The following H2AC16 variants were observed in gnomAD, a reference collection of about 807,000 sequenced individuals.
H2AC16 encodes H2A clustered histone 16.
A neutral mutation model predicts 6.6 loss-of-function variants in H2AC16; 11 were observed. The observed-to-expected ratio is 1.67, with a 90% confidence interval of 1.05 to 2.77. The LOEUF is 2.77. H2AC16 is among the 30% of genes most tolerant of loss of function. The probability of loss-of-function intolerance (pLI) is 0.00; values close to 1 mark genes in which losing one functional copy is unlikely to be tolerated. For synonymous variants in H2AC16, 131 were observed against 80.8 expected, an observed-to-expected ratio of 1.62 and a Z score of -3.33; for missense variants, 212 against 177.1, an observed-to-expected ratio of 1.20 and a Z score of -1.12.
rs2113911011 is a variant in H2AC16, at chr6:27,865,436, G to A, written c.82G>A (p.Val28Met). Residue 28 changes from valine (V) to methionine (M), a missense_variant, in exon 1 of 1, where the codon GTG becomes ATG. Physicochemically the swap from Val to Met is conservative, Grantham distance 21 (BLOSUM62 1). Coordinates refer to ENST00000613174, the MANE Select transcript of H2AC16 (RefSeq NM_003511.3). ...TTCTCGTGCCGGTCTCCAGTTCCCCGTGGGCCGAGTGCACCGACTGCTCCG... is the reference window on the plus strand; with the variant it reads ...TTCTCGTGCCGGTCTCCAGTTCCCCATGGGCCGAGTGCACCGACTGCTCCG... ...RSSRAGLQFP[V>M]GRVHRLLRKG... The A allele has an allele frequency of 1.2e-6, 2 of 1,613,982 alleles. No individual in the cohort carries two copies. The highest frequency in any genetic ancestry group is 8.5e-7 in the Non-Finnish European group (1 of 1,179,950).
rs754861911 is a variant in H2AC16 at position 27,865,585 on chromosome 6, C to T, written c.231C>T (p.Thr77=). The T allele has an allele frequency of 5.6e-6, 9 of 1,614,096 alleles. No individual in the cohort carries two copies. Among genetic ancestry groups the T allele is most frequent in the Admixed American group, 3.3e-5 (2 of 60,012 alleles). The change falls in exon 1 of 1, where the codon ACC becomes ACT. Residue 77 remains threonine (T), a synonymous_variant. Coordinates refer to ENST00000613174, the MANE Select transcript of H2AC16 (RefSeq NM_003511.3). Reference sequence around the variant, plus strand: ...ACGCCGCCCGCGACAACAAGAAGACCCGCATTATCCCGCGCCACTTGCAGC... The same window carrying T: ...ACGCCGCCCGCGACAACAAGAAGACTCGCATTATCCCGCGCCACTTGCAGC... ...AGNAARDNKK[T]RIIPRHLQLA...
chr6:27,865,436 G>C lies in H2AC16; in HGVS notation c.82G>C (p.Val28Leu). Residue 28 changes from valine to leucine, a missense_variant, in exon 1 of 1, where the codon GTG becomes CTG. Coordinates refer to ENST00000613174, the MANE Select transcript of H2AC16 (RefSeq NM_003511.3). ...TTCTCGTGCCGGTCTCCAGTTCCCC[G>C]TGGGCCGAGTGCACCGACTGCTCCG... ...RSSRAGLQFPVGRVHRLLRKG... is the reference protein window; with the variant it reads ...RSSRAGLQFPLGRVHRLLRKG... The C allele has an allele frequency of 6.2e-7, 1 of 1,613,982 alleles. No homozygotes were observed.
Position 27,865,647 on chromosome 6 carries a change from T to C in H2AC16, c.293T>C (p.Leu98Pro). ...IRNDEELNKLLGKVTIAQGGV... is the reference protein window; with the variant it reads ...IRNDEELNKLPGKVTIAQGGV... ...AACGACGAGGAGCTCAACAAGCTGC[T>C]GGGCAAAGTAACCATCGCTCAGGGT... Residue 98 changes from leucine (L) to proline (P), a missense_variant, in exon 1 of 1, where the codon CTG becomes CCG. Coordinates refer to ENST00000613174, the MANE Select transcript of H2AC16 (RefSeq NM_003511.3). 6.2e-7 allele frequency: 1 copy of C among 1,614,250 alleles called. No homozygotes were observed. The highest frequency in any genetic ancestry group is 8.5e-7 in the Non-Finnish European group (1 of 1,180,044).
rs769613461 is a variant in H2AC16 at position 27,865,422 on chromosome 6, G to T, written c.68G>T (p.Gly23Val). 1 of 1,613,746 alleles carries T rather than the reference G, an allele frequency of 6.2e-7. No homozygotes were observed. The highest frequency in any genetic ancestry group is 1.1e-5 in the South Asian group (1 of 91,060). Residue 23 changes from glycine to valine, a missense_variant, in exon 1 of 1, where the codon GGT (glycine) becomes GTT (valine). By Grantham distance (109) the Gly-to-Val change is moderately radical. Coordinates refer to ENST00000613174, the MANE Select transcript of H2AC16 (RefSeq NM_003511.3). The stretch of plus-strand genomic sequence containing the variant: ...GCCAAGACCCGCTCTTCTCGTGCCG[G>T]TCTCCAGTTCCCCGTGGGCCGAGTG... ...AKAKTRSSRA[G>V]LQFPVGRVHR...
In H2AC16 at chr6:27,865,703, C is replaced by T; in HGVS notation, c.349C>T (p.Leu117=). The T allele has an allele frequency of 6.2e-7, 1 of 1,614,238 alleles. No individual in the cohort carries two copies. Among genetic ancestry groups the T allele is most frequent in the Non-Finnish European group, 8.5e-7 (1 of 1,180,048 alleles). The change falls in exon 1 of 1, where the codon CTG becomes TTG. Residue 117 remains leucine (L), a synonymous_variant. Transcript: ENST00000613174. Reference sequence around the variant, plus strand: ...CCTGCCCAACATCCAGGCTGTGCTACTGCCCAAGAAGACCGAGAGTCACCA... The same window carrying T: ...CCTGCCCAACATCCAGGCTGTGCTATTGCCCAAGAAGACCGAGAGTCACCA... ...GVLPNIQAVL[L]PKKTESHHKA... is the part of the protein sequence containing the mutation.
chr6:27,865,616 A>G lies in H2AC16; in HGVS notation c.262A>G (p.Ile88Val). 4 of 1,614,220 alleles carry G rather than the reference A, an allele frequency of 2.5e-6. No individual in the cohort carries two copies. The change falls in exon 1 of 1, where the codon ATC (isoleucine) becomes GTC (valine). Residue 88 changes from isoleucine to valine, a missense_variant. Ile to Val is a conservative substitution (Grantham distance 29). Coordinates refer to ENST00000613174, the MANE Select transcript of H2AC16 (RefSeq NM_003511.3). ...TATCCCGCGCCACTTGCAGCTGGCCATCCGCAACGACGAGGAGCTCAACAA... is the reference window on the plus strand; with the variant it reads ...TATCCCGCGCCACTTGCAGCTGGCCGTCCGCAACGACGAGGAGCTCAACAA... Reference protein sequence around the residue: ...RIIPRHLQLAIRNDEELNKLL... With the variant: ...RIIPRHLQLAVRNDEELNKLL...
In H2AC16 at chr6:27,865,512, C is replaced by A. The variant is rs1554154002; in HGVS notation, c.158C>A (p.Ala53Glu). 3 of 1,613,974 alleles carry A rather than the reference C, an allele frequency of 1.9e-6. No individual in the cohort carries two copies. Among genetic ancestry groups the A allele is most frequent in the Admixed American group, 3.3e-5 (2 of 59,994 alleles). ...RVGAGAPVYL[A>E]AVLEYLTAEI... ...GGGGCCGGCGCGCCGGTGTACCTGG[C>A]GGCGGTGCTGGAGTACCTGACTGCC... Residue 53 changes from alanine (A) to glutamate (E), a missense_variant, in exon 1 of 1, where the codon GCG (alanine) becomes GAG (glutamate). Ala to Glu is a moderately radical substitution (Grantham distance 107, BLOSUM62 -1). Coordinates refer to ENST00000613174, the MANE Select transcript of H2AC16 (RefSeq NM_003511.3).
In H2AC16 at chr6:27,865,662, T is replaced by C; in HGVS notation, c.308T>C (p.Ile103Thr). ...AACAAGCTGCTGGGCAAAGTAACCA[T>C]CGCTCAGGGTGGTGTCCTGCCCAAC... ...ELNKLLGKVT[I>T]AQGGVLPNIQ... Residue 103 changes from isoleucine to threonine, a missense_variant, in exon 1 of 1, where the codon ATC (isoleucine) becomes ACC (threonine). Transcript: ENST00000613174. 1 of 1,614,188 alleles carries C rather than the reference T, an allele frequency of 6.2e-7. No homozygotes were observed. The highest frequency in any genetic ancestry group is 8.5e-7 in the Non-Finnish European group (1 of 1,180,038).
Position 27,865,398 on chromosome 6 carries a change from C to G in H2AC16, c.44C>G (p.Ala15Gly), listed in dbSNP as rs890521687. 3.7e-6 allele frequency: 6 copies of G among 1,613,042 alleles called. No individual in the cohort carries two copies. The African/African-American group carries it at 5.3e-5, about 14-fold the overall frequency. Residue 15 changes from alanine (A) to glycine (G), a missense_variant, in exon 1 of 1, where the codon GCC becomes GGC. Ala to Gly is a moderately conservative substitution (Grantham distance 60). Transcript: ENST00000613174. ...GKQGGKARAK[A>G]KTRSSRAGLQ... ...CAGGGAGGCAAAGCTCGCGCCAAAGCCAAGACCCGCTCTTCTCGTGCCGGT... is the reference window on the plus strand; with the variant it reads ...CAGGGAGGCAAAGCTCGCGCCAAAGGCAAGACCCGCTCTTCTCGTGCCGGT...
chr6:27,865,595 C>T lies in H2AC16; in HGVS notation c.241C>T (p.Pro81Ser). 1 of 1,614,230 alleles carries T rather than the reference C, an allele frequency of 6.2e-7. No homozygotes were observed. The highest frequency in any genetic ancestry group is 1.7e-5 in the Admixed American group (1 of 60,034). Residue 81 changes from proline to serine, a missense_variant, in exon 1 of 1, where the codon CCG (proline) becomes TCG (serine). Physicochemically the swap from Pro to Ser is moderately conservative, Grantham distance 74. Transcript: ENST00000613174. Reference sequence around the variant, plus strand: ...CGACAACAAGAAGACCCGCATTATCCCGCGCCACTTGCAGCTGGCCATCCG... The same window carrying T: ...CGACAACAAGAAGACCCGCATTATCTCGCGCCACTTGCAGCTGGCCATCCG... ...ARDNKKTRII[P>S]RHLQLAIRND...
chr6:27,865,645 G>A lies in H2AC16; in HGVS notation c.291G>A (p.Leu97=). 1 of 1,614,252 alleles carries A rather than the reference G, an allele frequency of 6.2e-7. No homozygotes were observed. Among genetic ancestry groups the A allele is most frequent in the Non-Finnish European group, 8.5e-7 (1 of 1,180,048 alleles). The part of the protein sequence containing the change: ...AIRNDEELNK[L]LGKVTIAQGG... ...GCAACGACGAGGAGCTCAACAAGCT[G>A]CTGGGCAAAGTAACCATCGCTCAGG... Residue 97 remains leucine, a synonymous_variant, in exon 1 of 1, where the codon CTG becomes CTA. Coordinates refer to ENST00000613174, the MANE Select transcript of H2AC16 (RefSeq NM_003511.3).
chr6:27,865,543 C>T lies in H2AC16; in HGVS notation c.189C>T (p.Ile63=), dbSNP rs766910834. 3.7e-6 allele frequency: 6 copies of T among 1,614,228 alleles called. No homozygotes were observed. In the East Asian group the frequency reaches 1.1e-4, roughly 30 times the overall value. The change falls in exon 1 of 1, where the codon ATC becomes ATT. Residue 63 remains isoleucine (I), a synonymous_variant. Transcript: ENST00000613174. The part of the protein sequence containing the change: ...AAVLEYLTAE[I]LELAGNAARD... ...TGCTGGAGTACCTGACTGCCGAGAT[C>T]CTGGAGCTGGCGGGCAACGCCGCCC...
In H2AC16 at chr6:27,865,438, G is replaced by T. The variant is rs1581482471; in HGVS notation, c.84G>T (p.Val28=). The T allele has an allele frequency of 6.2e-7, 1 of 1,613,988 alleles. No homozygotes were observed. Among genetic ancestry groups the T allele is most frequent in the South Asian group, 1.1e-5 (1 of 91,066 alleles). Residue 28 remains valine, a synonymous_variant, in exon 1 of 1, where the codon GTG becomes GTT. Transcript: ENST00000613174. ...RSSRAGLQFP[V]GRVHRLLRKG... ...CTCGTGCCGGTCTCCAGTTCCCCGT[G>T]GGCCGAGTGCACCGACTGCTCCGCA...
In H2AC16 at chr6:27,865,760, A is replaced by G. The variant is rs745894126; in HGVS notation, c.*13A>G. 31 of 1,611,250 alleles carry G rather than the reference A, an allele frequency of 1.9e-5. No individual in the cohort carries two copies. The South Asian group carries it at 2.9e-4, about 15-fold the overall frequency. On this transcript the variant is annotated 3_prime_UTR_variant, in exon 1 of 1. Coordinates refer to ENST00000613174, the MANE Select transcript of H2AC16 (RefSeq NM_003511.3). ...CAAAGGCAAATAATGTCTCCATAGAATCACTTTCCAATACAACGGCTCTTT... is the reference window on the plus strand; with the variant it reads ...CAAAGGCAAATAATGTCTCCATAGAGTCACTTTCCAATACAACGGCTCTTT...
Position 27,865,319 on chromosome 6 carries a change from G to C in H2AC16, c.-36G>C. 1 of 1,572,698 alleles carries C rather than the reference G, an allele frequency of 6.4e-7. No individual in the cohort carries two copies. Among genetic ancestry groups the C allele is most frequent in the Non-Finnish European group, 8.6e-7 (1 of 1,157,766 alleles). On this transcript the variant is annotated 5_prime_UTR_variant, in exon 1 of 1. Transcript: ENST00000613174. ...GTGGAGCTCTGGTGAACTTCTCTCG[G>C]CTGTTCTCAGTTCCTCCATTTATCG...
Position 27,865,343 on chromosome 6 carries a change from C to T in H2AC16, c.-12C>T, listed in dbSNP as rs766140113. The T allele has an allele frequency of 1.0e-5, 16 of 1,596,530 alleles. No individual in the cohort carries two copies. The highest frequency in any genetic ancestry group is 1.7e-4 in the Middle Eastern group (1 of 5,982). On this transcript the variant is annotated 5_prime_UTR_variant, in exon 1 of 1. Coordinates refer to ENST00000613174, the MANE Select transcript of H2AC16 (RefSeq NM_003511.3). ...GGCTGTTCTCAGTTCCTCCATTTAT[C>T]GTTTCTTCGTCATGTCGGGACGCGG...
At position 27,865,558 on chromosome 6, in the gene H2AC16, C is replaced by G; in HGVS notation, c.204C>G (p.Gly68=). 2.5e-6 allele frequency: 4 copies of G among 1,614,226 alleles called. No homozygotes were observed. The highest frequency in any genetic ancestry group is 3.4e-6 in the Non-Finnish European group (4 of 1,180,038). ...YLTAEILELA[G]NAARDNKKTR... is the part of the protein sequence containing the mutation. ...CTGCCGAGATCCTGGAGCTGGCGGG[C>G]AACGCCGCCCGCGACAACAAGAAGA... Residue 68 remains glycine (G), a synonymous_variant, in exon 1 of 1, where the codon GGC becomes GGG. Transcript: ENST00000613174.
chr6:27,865,452 G>C lies in H2AC16; in HGVS notation c.98G>C (p.Arg33Pro), dbSNP rs879065823. The change falls in exon 1 of 1, where the codon CGA becomes CCA. Residue 33 changes from arginine to proline, a missense_variant. Physicochemically the swap from Arg to Pro is moderately radical, Grantham distance 103. Transcript: ENST00000613174. ...CAGTTCCCCGTGGGCCGAGTGCACCGACTGCTCCGCAAGGGCAACTATGCT... is the reference window on the plus strand; with the variant it reads ...CAGTTCCCCGTGGGCCGAGTGCACCCACTGCTCCGCAAGGGCAACTATGCT... ...GLQFPVGRVH[R>P]LLRKGNYAER... 2 of 1,614,018 alleles carry C rather than the reference G, an allele frequency of 1.2e-6. No homozygotes were observed. Among genetic ancestry groups the C allele is most frequent in the Non-Finnish European group, 1.7e-6 (2 of 1,179,952 alleles).
chr6:27,865,758 G>T lies in H2AC16; in HGVS notation c.*11G>T. On this transcript the variant is annotated 3_prime_UTR_variant, in exon 1 of 1. Coordinates refer to ENST00000613174, the MANE Select transcript of H2AC16 (RefSeq NM_003511.3). ...GCCAAAGGCAAATAATGTCTCCATA[G>T]AATCACTTTCCAATACAACGGCTCT... 2 of 1,611,892 alleles carry T rather than the reference G, an allele frequency of 1.2e-6. No individual in the cohort carries two copies. The highest frequency in any genetic ancestry group is 1.1e-5 in the South Asian group (1 of 91,040).
Sources: gnomAD v4.1 joint callset for allele counts on GRCh38, gnomAD v4.1.1 for gene constraint, MANE v1.5 for transcripts, NCBI Gene and HGNC (gene_info 2026-07-23, HGNC 2026-07-21) for gene names.